HES7: variants seen among roughly 807,000 people sequenced by gnomAD.
The protein encoded by HES7 is transcription factor HES-7.
A neutral mutation model predicts 18.0 loss-of-function variants in HES7; 8 were observed. The observed-to-expected ratio is 0.45, with a 90% CI of 0.26 to 0.80. HES7 has a LOEUF of 0.80. HES7 is among the 30% of genes least tolerant of loss of function. The pLI is 0.18. For missense variants in HES7, 356 were observed against 340.9 expected (o/e 1.04, Z -0.35); for synonymous variants, 170 against 158.6 (o/e 1.07, Z -0.54).
Position 8,121,412 on chromosome 17 carries a change from A to G in HES7, c.*159T>C. ...GAACCAGGGAAATATATATTTATAT[A>G]GATACTCTAATATAGACCACATCTC... On this transcript the variant is annotated 3_prime_UTR_variant, in exon 4 of 4. Transcript: ENST00000541682. 4.6e-6 allele frequency: 2 copies of G among 437,418 alleles called. No homozygotes were observed. The highest frequency in any genetic ancestry group is 7.6e-6 in the Non-Finnish European group (2 of 261,970). 27.1% of individuals were successfully genotyped at this position (437,418 alleles called of 1,614,324 possible). A position where few individuals can be genotyped will look rare whatever the true frequency, so the allele number is the denominator to read the frequency against.
In HES7 at chr17:8,121,498, C is replaced by A. The variant is rs1278276737; in HGVS notation, c.*73G>T. On this transcript the variant is annotated 3_prime_UTR_variant, in exon 4 of 4. Transcript: ENST00000541682. Reference sequence around the variant, plus strand: ...CCCAACACCTGCTCGCCCGGACGCCCGGGTCCCTCTGCTGCCCTCGGGCTG... The same window carrying A: ...CCCAACACCTGCTCGCCCGGACGCCAGGGTCCCTCTGCTGCCCTCGGGCTG... 3.2e-6 allele frequency: 4 copies of A among 1,236,950 alleles called. No homozygotes were observed. The highest frequency in any genetic ancestry group is 4.1e-6 in the Non-Finnish European group (4 of 983,506). 76.6% of individuals were successfully genotyped at this position (1,236,950 alleles called of 1,614,324 possible).
upstream of HES7, among the ~76,000 whole-genome samples, chr17:8,125,849 A>C (rs1981588463): frequency 6.6e-6 from 1 of 152,226 alleles, no homozygotes; most frequent in Non-Finnish European, 1.5e-5. Flanking sequence ...CCTCCAAAAA[A>C]AGGATAATAT....
In HES7 at chr17:8,121,603, G is replaced by A; in HGVS notation, c.661C>T (p.Pro221Ser). The change falls in exon 4 of 4, where the codon CCG (proline) becomes TCG (serine). Residue 221 changes from proline (P) to serine (S), a missense_variant. Pro to Ser is a moderately conservative substitution (Grantham distance 74). Coordinates refer to ENST00000541682, the MANE Select transcript of HES7 (RefSeq NM_001165967.2). ...QDGAPKAPLP[P>S]PPAFWRPWP The stretch of plus-strand genomic sequence containing the variant: ...CAAGGTCTCCAGAAAGCGGGCGGCG[G>A]GGGCAGCGGGGCCTTGGGCGCCCCG... 2 of 1,312,382 alleles carry A rather than the reference G, an allele frequency of 1.5e-6. No individual in the cohort carries two copies. Among genetic ancestry groups the A allele is most frequent in the Non-Finnish European group, 1.9e-6 (2 of 1,037,918 alleles). 81.3% of individuals were successfully genotyped at this position (1,312,382 alleles called of 1,614,324 possible). A position where few individuals can be genotyped will look rare whatever the true frequency, so the allele number is the denominator to read the frequency against.
upstream of HES7, among the ~76,000 whole-genome samples, chr17:8,126,023 C>A (rs1262147457): frequency 6.6e-6 from 1 of 151,976 alleles, no homozygotes; most frequent in Admixed American, 6.6e-5. Context: ...TCCACACCCC[C>A]CTCCCTCCGT....
At position 8,121,649 on chromosome 17, in the gene HES7, T is replaced by TGGCGGCGGCAGCAGTCCGGTGAGG; in HGVS notation, c.591_614dup (p.Leu198_Pro205dup). On this transcript the variant is annotated inframe_insertion, in exon 4 of 4. Coordinates refer to ENST00000541682, the MANE Select transcript of HES7 (RefSeq NM_001165967.2). ...CCCCGTCTTGTCTGTGAGGCGGCGG[T>TGGCGGCGGCAGCAGTCCGGTGAGG]GGCGGCGGCAGCAGTCCGGTGAGGG... The TGGCGGCGGCAGCAGTCCGGTGAGG allele has an allele frequency of 7.6e-7, 1 of 1,313,610 alleles. No homozygotes were observed. The highest frequency in any genetic ancestry group is 9.6e-7 in the Non-Finnish European group (1 of 1,038,826). 81.4% of individuals were successfully genotyped at this position (1,313,610 alleles called of 1,614,324 possible).
chr17:8,122,255 T>C lies in HES7; in HGVS notation c.226+88A>G. 4 of 1,194,198 alleles carry C rather than the reference T, an allele frequency of 3.3e-6. No homozygotes were observed. The highest frequency in any genetic ancestry group is 4.8e-6 in the Non-Finnish European group (4 of 828,794). 74.0% of individuals were successfully genotyped at this position (1,194,198 alleles called of 1,614,324 possible). Reference sequence around the variant, plus strand: ...AACCGGCCACTCCCCAAGCCCACCATCCACCGCAGGGCCCGCCCACTCTGC... The same window carrying C: ...AACCGGCCACTCCCCAAGCCCACCACCCACCGCAGGGCCCGCCCACTCTGC... On this transcript the variant is annotated intron_variant, in intron 3 of 3. Transcript: ENST00000541682. The surrounding 1 kb of genome is among the most constrained non-coding windows in gnomAD (Gnocchi z 6.9).
In HES7 at chr17:8,121,700, G is replaced by A; in HGVS notation, c.564C>T (p.Arg188=). Residue 188 remains arginine (R), a synonymous_variant, in exon 4 of 4, where the codon CGC becomes CGT. Transcript: ENST00000541682. ...CAWSPSLCSP[R]AGDSGAPAPL... Reference sequence around the variant, plus strand: ...GCGCCGGCGCGCCAGAATCCCCGGCGCGCGGGGAGCAGAGGGATGGGGACC... The same window carrying A: ...GCGCCGGCGCGCCAGAATCCCCGGCACGCGGGGAGCAGAGGGATGGGGACC... 1.5e-6 allele frequency: 2 copies of A among 1,330,628 alleles called. No homozygotes were observed. The highest frequency in any genetic ancestry group is 1.9e-6 in the Non-Finnish European group (2 of 1,047,046). The allele number at this position is 1,330,628 out of a possible 1,614,324, so 82.4% of individuals were successfully genotyped here.
In HES7 at chr17:8,123,957, C is replaced by T; in HGVS notation, c.42+86G>A. 6.7e-7 allele frequency: 1 copy of T among 1,487,072 alleles called. No individual in the cohort carries two copies. Among genetic ancestry groups the T allele is most frequent in the Non-Finnish European group, 9.3e-7 (1 of 1,072,826 alleles). The allele number at this position is 1,487,072 out of a possible 1,614,324, so 92.1% of individuals were successfully genotyped here. ...CCGCTCCCCTTCCACCCCTGCGTCC[C>T]CAGCCTCTCTCCAGACCGACGGCGT... On this transcript the variant is annotated intron_variant, in intron 1 of 3. Transcript: ENST00000541682. The surrounding 1 kb of genome is among the most constrained non-coding windows in gnomAD (Gnocchi z 5.9).
chr17:8,122,798 C>T lies in HES7; in HGVS notation c.138+233G>A, dbSNP rs1981427967. Among the ~76,000 whole-genome samples, 1 of 152,230 alleles carries T rather than the reference C, an allele frequency of 6.6e-6. No individual in the cohort carries two copies. The highest frequency in any genetic ancestry group is 2.4e-5 in the African/African-American group (1 of 41,546). On this transcript the variant is annotated intron_variant, in intron 2 of 3. Coordinates refer to ENST00000541682, the MANE Select transcript of HES7 (RefSeq NM_001165967.2). This position sits in a 1 kb window ranked among gnomAD's most constrained non-coding sequence, Gnocchi z 6.9. ...GACCCAAAGGGTGAAACTGACCGACCCCGGGAGCGAAATTTACAGAACCAG... is the reference window on the plus strand; with the variant it reads ...GACCCAAAGGGTGAAACTGACCGACTCCGGGAGCGAAATTTACAGAACCAG...
At chr17:8,126,492 C>T (rs972573660), upstream of HES7, among the ~76,000 whole-genome samples, 1 of 152,210 alleles carries the variant, frequency 6.6e-6, no homozygotes. Flanking sequence ...CTCCTGCCAT[C>T]CCCTGGGAAG....
In HES7 at chr17:8,123,499, G is replaced by C. The variant is rs1199625854; in HGVS notation, c.43-373C>G. ...GCCGCACGGTGCCGGGCTCAGACCTGGCGGCCCTGAGTATAGAAAGGGAGA... is the reference window on the plus strand; with the variant it reads ...GCCGCACGGTGCCGGGCTCAGACCTCGCGGCCCTGAGTATAGAAAGGGAGA... On this transcript the variant is annotated intron_variant, in intron 1 of 3. Coordinates refer to ENST00000541682, the MANE Select transcript of HES7 (RefSeq NM_001165967.2). The surrounding 1 kb of genome is among the most constrained non-coding windows in gnomAD (Gnocchi z 5.9). 2.8e-6 allele frequency: 1 copy of C among 357,816 alleles called. No homozygotes were observed. Among genetic ancestry groups the C allele is most frequent in the Non-Finnish European group, 5.2e-6 (1 of 192,232 alleles). The allele number at this position is 357,816 out of a possible 1,614,324, so 22.2% of individuals were successfully genotyped here.
chr17:8,122,643 T>A lies in HES7; in HGVS notation c.139-213A>T, dbSNP rs981741374. On this transcript the variant is annotated intron_variant, in intron 2 of 3. Transcript: ENST00000541682. The surrounding 1 kb of genome is among the most constrained non-coding windows in gnomAD (Gnocchi z 6.9). ...GACGAAACTGTCCAATCCTAGGGGT[T>A]GGAACCAATGCCCAACGCGTGAGGA... Among the ~76,000 whole-genome samples the A allele has an allele frequency of 6.6e-6, 1 of 152,022 alleles. No individual in the cohort carries two copies. Among genetic ancestry groups the A allele is most frequent in the African/African-American group, 2.4e-5 (1 of 41,388 alleles).
At position 8,121,869 on chromosome 17, in the gene HES7, C is replaced by T; in HGVS notation, c.395G>A (p.Arg132His). 4 of 1,570,936 alleles carry T rather than the reference C, an allele frequency of 2.5e-6. No individual in the cohort carries two copies. Among genetic ancestry groups the T allele is most frequent in the South Asian group, 1.1e-5 (1 of 88,588 alleles). Reference protein sequence around the residue: ...QLFSALHGYLRPKPPRPKPVD... With the variant: ...QLFSALHGYLHPKPPRPKPVD... ...CGGCTTGGGCCGGGGCGGTTTGGGG[C>T]GCAGATAGCCGTGCAGCGCGGAGAA... Residue 132 changes from arginine (R) to histidine (H), a missense_variant, in exon 4 of 4, where the codon CGC (arginine) becomes CAC (histidine). Coordinates refer to ENST00000541682, the MANE Select transcript of HES7 (RefSeq NM_001165967.2).
At chr17:8,125,720 G>C (rs1241310495), upstream of HES7, among the ~76,000 whole-genome samples, 3 of 152,304 alleles carry the variant, frequency 2.0e-5, no homozygotes. Context: ...ATCTCAGATA[G>C]GATCCCCGCA....
chr17:8,125,740 A>C (rs187419330), upstream of HES7, among the ~76,000 whole-genome samples: 218 of 152,326 alleles, frequency 1.4e-3, 1 homozygote, highest in Middle Eastern at 6.8e-3. Context: ...AGAATCTTTA[A>C]GCCGCGCATT....
In HES7 at chr17:8,122,266, G is replaced by T; in HGVS notation, c.226+77C>A. Reference sequence around the variant, plus strand: ...CCCCAAGCCCACCATCCACCGCAGGGCCCGCCCACTCTGCCCCGGCCGGAG... The same window carrying T: ...CCCCAAGCCCACCATCCACCGCAGGTCCCGCCCACTCTGCCCCGGCCGGAG... On this transcript the variant is annotated intron_variant, in intron 3 of 3. Coordinates refer to ENST00000541682, the MANE Select transcript of HES7 (RefSeq NM_001165967.2). This position sits in a 1 kb window ranked among gnomAD's most constrained non-coding sequence, Gnocchi z 6.9. The T allele has an allele frequency of 7.7e-7, 1 of 1,291,240 alleles. No homozygotes were observed. Among genetic ancestry groups the T allele is most frequent in the Non-Finnish European group, 1.1e-6 (1 of 915,776 alleles). The allele number at this position is 1,291,240 out of a possible 1,614,324, so 80.0% of individuals were successfully genotyped here.
rs1464651967 is a variant in HES7 at position 8,122,634 on chromosome 17, C to A, written c.139-204G>T. 6.6e-6 allele frequency among the ~76,000 whole-genome samples: 1 copy of A among 152,120 alleles called. No individual in the cohort carries two copies. The highest frequency in any genetic ancestry group is 2.4e-5 in the African/African-American group (1 of 41,424). On this transcript the variant is annotated intron_variant, in intron 2 of 3. Transcript: ENST00000541682. This position sits in a 1 kb window ranked among gnomAD's most constrained non-coding sequence, Gnocchi z 6.9. ...CCACCCTGAGACGAAACTGTCCAAT[C>A]CTAGGGGTTGGAACCAATGCCCAAC...
upstream of HES7, among the ~76,000 whole-genome samples, chr17:8,125,245 A>C (rs189536656): frequency 6.6e-6 from 1 of 152,282 alleles, no homozygotes; most frequent in East Asian, 1.9e-4. Context: ...GACGGAAGAC[A>C]GCTGTGAAAT....
chr17:8,123,365 C>G lies in HES7; in HGVS notation c.43-239G>C, dbSNP rs1169940223. On this transcript the variant is annotated intron_variant, in intron 1 of 3. Coordinates refer to ENST00000541682, the MANE Select transcript of HES7 (RefSeq NM_001165967.2). This position sits in a 1 kb window ranked among gnomAD's most constrained non-coding sequence, Gnocchi z 5.9. ...TCCTCTCTCAGTCTCGTCCTCCCTCCTCCCCTCTCTGTGTCTCTCCTCCTC... is the reference window on the plus strand; with the variant it reads ...TCCTCTCTCAGTCTCGTCCTCCCTCGTCCCCTCTCTGTGTCTCTCCTCCTC... 1.7e-6 allele frequency: 1 copy of G among 587,712 alleles called. No individual in the cohort carries two copies. Among genetic ancestry groups the G allele is most frequent in the Non-Finnish European group, 3.0e-6 (1 of 328,346 alleles). The allele number at this position is 587,712 out of a possible 1,614,324, so 36.4% of individuals were successfully genotyped here.
Sources: allele counts gnomAD v4.1 joint callset (sites outside exome capture counted in the v4.1 genomes callset), GRCh38; gene constraint gnomAD v4.1.1; non-coding constraint Gnocchi (gnomAD v3.1); transcripts MANE v1.5; gene names NCBI Gene and HGNC (gene_info 2026-07-23, HGNC 2026-07-21).